REN: variants seen among roughly 807,000 people sequenced by gnomAD.
The protein encoded by REN is angiotensin-forming enzyme.
A neutral mutation model predicts 48.6 loss-of-function variants in REN; 42 were observed. The ratio of observed to expected loss-of-function variants is 0.86; its 90% CI spans 0.68 to 1.12. The LOEUF (loss-of-function observed/expected upper bound fraction) is 1.12, where lower values mean the gene tolerates loss of function less well. Among genes scored for constraint, REN ranks in the 50% most tolerant of loss-of-function variants. The probability of loss-of-function intolerance (pLI) is 0.00; values close to 1 mark genes in which losing one functional copy is unlikely to be tolerated. For synonymous variants in REN, 196 were observed against 204.6 expected, an observed-to-expected ratio of 0.96 and a Z score of 0.36; for missense variants, 443 against 527.3, an observed-to-expected ratio of 0.84 and a Z score of 1.57.
intron 1 of REN, among the ~76,000 whole-genome samples, chr1:204,164,589 T>C (rs1368946370): frequency 8.0e-6 from 1 of 125,266 alleles, no homozygotes; most frequent in Non-Finnish European, 1.6e-5. Context: ...TTTTTTTTTT[T>C]ACATAAGGTC....
Position 204,156,722 on chromosome 1 carries a change from T to G in REN, c.773A>C (p.Tyr258Ser), listed in dbSNP as rs781664088. The G allele has an allele frequency of 2.5e-6, 4 of 1,613,880 alleles. No homozygotes were observed. Among genetic ancestry groups the G allele is most frequent in the African/African-American group, 1.3e-5 (1 of 74,870 alleles). The change falls in exon 7 of 10, where the codon TAT (tyrosine) becomes TCT (serine). Residue 258 changes from tyrosine (Y) to serine (S), a missense_variant. By Grantham distance (144) the Tyr-to-Ser change is moderately radical (BLOSUM62 -2). Coordinates refer to ENST00000272190, the MANE Select transcript of REN (RefSeq NM_000537.4). The surrounding 1 kb of genome is among the most constrained non-coding windows in gnomAD (Gnocchi z 4.2). The part of the protein sequence containing the change: ...DPQHYEGNFH[Y>S]INLIKTGVWQ... ...GACACCAGTCTTGATGAGGTTGATA[T>G]AGTGGAAATTCCCTTCGTAATGCTG...
chr1:204,157,064 A>G (rs887190197), intron 6 of REN, among the ~76,000 whole-genome samples: 1 of 152,352 alleles, frequency 6.6e-6, no homozygotes. Context: ...GAGAGGTCAC[A>G]GAAAAGGAGC....
At chr1:204,165,292 T>C (rs183543875) in intron 1 of REN, among the ~76,000 whole-genome samples, 1 of 152,268 alleles carries the variant, frequency 6.6e-6, no homozygotes, top group Admixed American at 6.5e-5. Context: ...TTGATATTTG[T>C]AAGAATCTAT....
In REN at chr1:204,160,687, G is replaced by A; in HGVS notation, c.374-9C>T. ...GAAGAGCTTGTGATACACTGGCAGG[G>A]GGACAGAGGCTCAGGTTTGTCCAAG... is the stretch of plus-strand genomic sequence containing the variant. On this transcript the variant is annotated splice_polypyrimidine_tract_variant and intron_variant, in intron 3 of 9. Transcript: ENST00000272190. 2 of 1,601,898 alleles carry A rather than the reference G, an allele frequency of 1.2e-6. No individual in the cohort carries two copies. Among genetic ancestry groups the A allele is most frequent in the Non-Finnish European group, 1.7e-6 (2 of 1,168,770 alleles).
chr1:204,165,182 G>T (rs1299582787), intron 1 of REN, among the ~76,000 whole-genome samples: 1 of 152,150 alleles, frequency 6.6e-6, no homozygotes, highest in African/African-American at 2.4e-5. Context: ...TGTTGGTCAG[G>T]CTGGTCTTGA....
rs958172752 is a variant in REN at position 204,156,915 on chromosome 1, T to A, written c.699-119A>T. Reference sequence around the variant, plus strand: ...GACAGAGGGCTCTAGAGCAGAGGAATGTGGGACAGACAGCCAGGCTCGGAG... The same window carrying A: ...GACAGAGGGCTCTAGAGCAGAGGAAAGTGGGACAGACAGCCAGGCTCGGAG... On this transcript the variant is annotated intron_variant, in intron 6 of 9. Coordinates refer to ENST00000272190, the MANE Select transcript of REN (RefSeq NM_000537.4). This position sits in a 1 kb window ranked among gnomAD's most constrained non-coding sequence, Gnocchi z 4.2. 3.8e-6 allele frequency: 5 copies of A among 1,300,328 alleles called. No individual in the cohort carries two copies. Among genetic ancestry groups the A allele is most frequent in the Middle Eastern group, 4.9e-4 (2 of 4,084 alleles). The allele number at this position is 1,300,328 out of a possible 1,614,324, so 80.5% of individuals were successfully genotyped here.
At chr1:204,157,168 C>T (rs967164620) in intron 6 of REN, among the ~76,000 whole-genome samples, 193 bp downstream of exon 6, 3 of 152,102 alleles carry the variant, frequency 2.0e-5, no homozygotes, top group East Asian at 1.9e-4. Context: ...TGGGAGGGGA[C>T]CCTGGGGAGG....
intron 2 of REN, among the ~76,000 whole-genome samples, chr1:204,161,800 C>T (rs528406544): frequency 5.3e-5 from 8 of 152,296 alleles, no homozygotes; most frequent in Admixed American, 4.6e-4. Flanking sequence ...AGTTCCAAAC[C>T]TAACCCTGCC....
intron 1 of REN, among the ~76,000 whole-genome samples, chr1:204,164,696 G>A (rs1466935011): frequency 1.4e-5 from 2 of 146,244 alleles, no homozygotes; most frequent in Non-Finnish European, 3.0e-5. Context: ...TCAGCCTCCC[G>A]AGTAGCTGGG....
At position 204,156,232 on chromosome 1, in the gene REN, G is replaced by A. The variant is rs1658147045; in HGVS notation, c.906C>T (p.Thr302=). Residue 302 remains threonine, a synonymous_variant, in exon 8 of 10, where the codon ACC becomes ACT. Coordinates refer to ENST00000272190, the MANE Select transcript of REN (RefSeq NM_000537.4). This position sits in a 1 kb window ranked among gnomAD's most constrained non-coding sequence, Gnocchi z 4.2. ...CCTCCATGAGCTTCTCTATGGAGCT[G>A]GTAGAACCTGAGATGTAGGATGCAC... ...DTGASYISGS[T]SSIEKLMEAL... is the part of the protein sequence containing the mutation. 2 of 1,614,110 alleles carry A rather than the reference G, an allele frequency of 1.2e-6. No individual in the cohort carries two copies. The highest frequency in any genetic ancestry group is 2.7e-5 in the African/African-American group (2 of 74,926).
intron 4 of REN, among the ~76,000 whole-genome samples, chr1:204,160,321 G>C (rs549667416): frequency 2.6e-5 from 4 of 152,244 alleles, no homozygotes; most frequent in African/African-American, 9.6e-5. Flanking sequence ...CTACATGCAA[G>C]TTAGATGCAA....
At chr1:204,165,606 T>G (rs1658329864) in intron 1 of REN, among the ~76,000 whole-genome samples, 1 of 152,062 alleles carries the variant, frequency 6.6e-6, no homozygotes, top group South Asian at 2.1e-4. Flanking sequence ...GTCTTTTTTT[T>G]TTTTGAGATG....
At position 204,166,252 on chromosome 1, in the gene REN, C is replaced by T. The variant is rs1246787151; in HGVS notation, c.42G>A (p.Leu14=). ...CAAAGGTACAGGAGCCCCAGAGCAG[C>T]AGCAGCAGTCCCCAGCGAGGCATCC... ...WRRMPRWGLL[L]LLWGSCTFGL... The change falls in exon 1 of 10, where the codon CTG becomes CTA. Residue 14 remains leucine (L), a synonymous_variant. Coordinates refer to ENST00000272190, the MANE Select transcript of REN (RefSeq NM_000537.4). 1 of 1,614,108 alleles carries T rather than the reference C, an allele frequency of 6.2e-7. No individual in the cohort carries two copies. Among genetic ancestry groups the T allele is most frequent in the African/African-American group, 1.3e-5 (1 of 74,930 alleles).
chr1:204,161,233 T>G, intron 3 of REN, 59 bp downstream of exon 3: 1 of 1,513,890 alleles, frequency 6.6e-7, no homozygotes. Context: ...TGGGCAGGAT[T>G]GCTCATGCAC....
At position 204,162,369 on chromosome 1, in the gene REN, CG is replaced by C. The variant is rs11571109; in HGVS notation, c.99-207del. ...AGTCAATTTAGAGGAGTCAGCTGCC[CG>C]GGGATTAAATAACCCTGAAGTGACT... is the stretch of plus-strand genomic sequence containing the variant. On this transcript the variant is annotated intron_variant, in intron 1 of 9. Transcript: ENST00000272190. Among the ~76,000 whole-genome samples, 1,211 of 152,240 alleles carry C rather than the reference CG, an allele frequency of 8.0e-3. 14 individuals carry two copies. The highest frequency in any genetic ancestry group is 0.028 in the African/African-American group (1,157 of 41,530).
Position 204,156,336 on chromosome 1 carries a change from T to TCAGACAGA in REN, c.819-25_819-18dup, listed in dbSNP as rs3839003. Reference sequence around the variant, plus strand: ...ACAGACACCCTGGGGGAGGCCACAGTCAGACAGACAGACAGACAGACAGAC... The same window carrying TCAGACAGA: ...ACAGACACCCTGGGGGAGGCCACAGTCAGACAGACAGACAGACAGACAGACAGACAGAC... On this transcript the variant is annotated splice_polypyrimidine_tract_variant and intron_variant, in intron 7 of 9. Coordinates refer to ENST00000272190, the MANE Select transcript of REN (RefSeq NM_000537.4). This position sits in a 1 kb window ranked among gnomAD's most constrained non-coding sequence, Gnocchi z 4.2. 122,332 of 1,585,354 alleles carry TCAGACAGA rather than the reference T, an allele frequency of 0.077. 4,427 individuals carry two copies. The highest frequency in any genetic ancestry group is 0.12 in the Middle Eastern group (702 of 5,720).
At chr1:204,155,963 C>A in intron 8 of REN, 45 bp from the exon 9 acceptor site, 1 of 1,542,574 alleles carries the variant, frequency 6.5e-7, no homozygotes, top group Non-Finnish European at 9.0e-7. Context: ...TGGAAGACGT[C>A]TCAGCAGACA....
intron 4 of REN, among the ~76,000 whole-genome samples, chr1:204,160,119 G>A (rs1658216699): frequency 6.6e-6 from 1 of 152,148 alleles, no homozygotes; most frequent in Non-Finnish European, 1.5e-5. Context: ...GTCAGACATG[G>A]GCCACATGGA....
Position 204,156,619 on chromosome 1 carries a change from C to A in REN, c.818+58G>T. The A allele has an allele frequency of 1.9e-6, 3 of 1,608,908 alleles. No homozygotes were observed. Among genetic ancestry groups the A allele is most frequent in the Middle Eastern group, 3.4e-4 (2 of 5,914 alleles). ...GGTAATGCAGTCCTTCCCCACCCTC[C>A]CCAACCCCAGTGACGGCAGCATTTT... On this transcript the variant is annotated intron_variant, in intron 7 of 9. Transcript: ENST00000272190. This position sits in a 1 kb window ranked among gnomAD's most constrained non-coding sequence, Gnocchi z 4.2.
Sources: allele counts gnomAD v4.1 joint callset (sites outside exome capture counted in the v4.1 genomes callset), GRCh38; gene constraint gnomAD v4.1.1; non-coding constraint Gnocchi (gnomAD v3.1); transcripts MANE v1.5; gene names NCBI Gene and HGNC (gene_info 2026-07-23, HGNC 2026-07-21).